Variants in ARHGAP10 observed in about 807,000 individuals in gnomAD.
ARHGAP10 encodes the protein Rho GTPase activating protein 10, also known as rho GTPase-activating protein 10.
Under a neutral mutation model 108.6 loss-of-function variants are expected in ARHGAP10, and 87 were observed. The observed-to-expected ratio is 0.80, with a 90% CI of 0.67 to 0.96. The LOEUF (loss-of-function observed/expected upper bound fraction) is 0.96. Among genes scored for constraint, ARHGAP10 ranks in the 40% least tolerant of loss-of-function variants. The probability of loss-of-function intolerance (pLI) is 0.00; values close to 1 mark genes in which losing one functional copy is unlikely to be tolerated. For synonymous variants in ARHGAP10, 347 were observed against 341.1 expected, an observed-to-expected ratio of 1.02 and a Z score of -0.19; for missense variants, 939 against 954.5, an observed-to-expected ratio of 0.98 and a Z score of 0.21.
intron 13 of ARHGAP10, among the ~76,000 whole-genome samples, chr4:147,914,721 T>C (rs2126923859): frequency 6.6e-6 from 1 of 152,346 alleles, no homozygotes; most frequent in East Asian, 1.9e-4. Context: ...CTGGTAGTAT[T>C]CCATTATATG....
chr4:147,866,502 T>A, intron 6 of ARHGAP10: 1 of 492,962 alleles, frequency 2.0e-6, no homozygotes, highest in Non-Finnish European at 3.6e-6. Flanking sequence ...ATGGCTGTGA[T>A]ATTTAAGGGA....
At chr4:147,749,089 C>A (rs1283862137) in intron 1 of ARHGAP10, among the ~76,000 whole-genome samples, 1 of 152,174 alleles carries the variant, frequency 6.6e-6, no homozygotes, top group East Asian at 1.9e-4. Context: ...TGAAAACAGT[C>A]AAAATAAGTA....
chr4:147,785,603 A>G (rs745809454), intron 1 of ARHGAP10, among the ~76,000 whole-genome samples: 8 of 152,146 alleles, frequency 5.3e-5, no homozygotes, highest in Non-Finnish European at 1.2e-4. Flanking sequence ...CATCCAGACA[A>G]CCTTCCCTCC....
chr4:147,753,969 A>G (rs1729269288), intron 1 of ARHGAP10, among the ~76,000 whole-genome samples: 1 of 152,000 alleles, frequency 6.6e-6, no homozygotes. Context: ...ATCTGCTACT[A>G]CTCGTTCTAA....
At chr4:147,760,246 G>A (rs760587530) in intron 1 of ARHGAP10, among the ~76,000 whole-genome samples, 19 of 152,158 alleles carry the variant, frequency 1.2e-4, no homozygotes, top group Admixed American at 4.6e-4. Flanking sequence ...AAAAGCTTAG[G>A]TTTACACACT....
chr4:147,788,607 T>C (rs1730992484), intron 1 of ARHGAP10, among the ~76,000 whole-genome samples: 1 of 152,206 alleles, frequency 6.6e-6, no homozygotes, highest in African/African-American at 2.4e-5. Context: ...CATTAACCTC[T>C]ACCAGCCTGC....
rs1382011988 is a variant in ARHGAP10 at position 148,012,940 on chromosome 4, T to A, written c.1717-10323T>A. Among the ~76,000 whole-genome samples the A allele has an allele frequency of 4.6e-5, 7 of 151,456 alleles. No individual in the cohort carries two copies. The South Asian group carries it at 6.2e-4, about 14-fold the overall frequency. On this transcript the variant is annotated intron_variant, in intron 18 of 22. Transcript: ENST00000336498. The stretch of plus-strand genomic sequence containing the variant: ...ATCTGTCTGGTTTTTTTTTTTTTTT[T>A]AAACCTTCTTTAAAGAGCTGTTTTG...
At chr4:147,883,979 G>A (rs1735441043) in intron 10 of ARHGAP10, among the ~76,000 whole-genome samples, 1 of 152,196 alleles carries the variant, frequency 6.6e-6, no homozygotes, top group Non-Finnish European at 1.5e-5. Context: ...ACAGGCAAGA[G>A]CCACTGTGCC....
intron 10 of ARHGAP10, among the ~76,000 whole-genome samples, chr4:147,889,805 A>G (rs757352750): frequency 3.3e-5 from 5 of 152,080 alleles, no homozygotes; most frequent in Non-Finnish European, 5.9e-5. Flanking sequence ...CTGTGTAGAT[A>G]TAAATCAAGA....
In ARHGAP10 at chr4:147,839,142, A is replaced by ATCTATCTGTCTG. The variant is rs374128534; in HGVS notation, c.313-8006_313-8005insATCTGTCTGTCT. ...TATCTATCTATCTATCTATCTATCT[A>ATCTATCTGTCTG]TCTGTCTGTCTGTCTATGTATATAT... is the stretch of plus-strand genomic sequence containing the variant. On this transcript the variant is annotated intron_variant, in intron 3 of 22. Coordinates refer to ENST00000336498, the MANE Select transcript of ARHGAP10 (RefSeq NM_024605.4). 1.7e-3 allele frequency among the ~76,000 whole-genome samples: 196 copies of ATCTATCTGTCTG among 117,842 alleles called. 1 individual carries two copies. The highest frequency in any genetic ancestry group is 0.013 in the Middle Eastern group (3 of 238). 77.3% of individuals were successfully genotyped at this position (117,842 alleles called of 152,430 possible).
intron 7 of ARHGAP10, among the ~76,000 whole-genome samples, chr4:147,873,678 C>CAA (rs1431315403): frequency 4.2e-5 from 1 of 23,684 alleles, no homozygotes; most frequent in African/African-American, 9.5e-5. Context: ...AAACAAAAAA[C>CAA]AAAACACACA....
chr4:147,896,755 A>C (rs546661482), intron 10 of ARHGAP10, among the ~76,000 whole-genome samples: 2 of 152,152 alleles, frequency 1.3e-5, no homozygotes, highest in African/African-American at 4.8e-5. Flanking sequence ...ATTTGAATCT[A>C]TAAGTTTTCT....
At chr4:147,908,305 A>G (rs888673399) in intron 11 of ARHGAP10, among the ~76,000 whole-genome samples, 4 of 152,254 alleles carry the variant, frequency 2.6e-5, no homozygotes, top group Non-Finnish European at 4.4e-5. Flanking sequence ...TGCAGGAAGT[A>G]TATTGGATTT....
At chr4:147,959,683 C>G (rs1023332711) in intron 16 of ARHGAP10, among the ~76,000 whole-genome samples, 1 of 152,102 alleles carries the variant, frequency 6.6e-6, no homozygotes, top group African/African-American at 2.4e-5. Context: ...CATGTCCCTA[C>G]AAAGGACATG....
At chr4:148,063,604 TA>T (rs1415070688) in intron 21 of ARHGAP10, among the ~76,000 whole-genome samples, 1 of 152,236 alleles carries the variant, frequency 6.6e-6, no homozygotes, top group Non-Finnish European at 1.5e-5. Context: ...CTCATGAGTA[TA>T]AAGCACATTC....
At chr4:147,992,252 TG>T (rs1740304991) in intron 18 of ARHGAP10, among the ~76,000 whole-genome samples, 1 of 152,172 alleles carries the variant, frequency 6.6e-6, no homozygotes, top group African/African-American at 2.4e-5. Flanking sequence ...CCACATTTTT[TG>T]GAGAAGCCAG....
chr4:148,070,999 A>G lies in ARHGAP10; in HGVS notation c.2273-994A>G, dbSNP rs17024327. 5.3e-3 allele frequency among the ~76,000 whole-genome samples: 811 copies of G among 152,320 alleles called. 4 individuals carry two copies. Among genetic ancestry groups the G allele is most frequent in the African/African-American group, 0.018 (767 of 41,568 alleles). ...TCACGTGAATATTTATGAACAGTCC[A>G]TTGTGCCAGGCACCATGCCCAGATG... On this transcript the variant is annotated intron_variant, in intron 22 of 22. Transcript: ENST00000336498.
chr4:147,982,920 G>T (rs1739876511), intron 18 of ARHGAP10, among the ~76,000 whole-genome samples: 9 of 151,598 alleles, frequency 5.9e-5, no homozygotes. Context: ...TCTTACTCTC[G>T]CCCAGGCTGG....
chr4:147,892,116 C>T (rs1370637474), intron 10 of ARHGAP10, among the ~76,000 whole-genome samples: 4 of 152,188 alleles, frequency 2.6e-5, no homozygotes, highest in Admixed American at 2.6e-4. Flanking sequence ...GTTCCCATAT[C>T]ACTCTTGAAA....
Sources: allele counts gnomAD v4.1 joint callset (sites outside exome capture counted in the v4.1 genomes callset), GRCh38; gene constraint gnomAD v4.1.1; transcripts MANE v1.5; gene names NCBI Gene and HGNC (gene_info 2026-07-23, HGNC 2026-07-21).